The following NLRP2 variants were observed in gnomAD, a reference collection of about 807,000 sequenced individuals.
The protein encoded by NLRP2 is NLR family pyrin domain containing 2, also known as NACHT, LRR and PYD domains-containing protein 2.
A neutral mutation model predicts 97.2 loss-of-function variants in NLRP2; 107 were observed. That is an observed-to-expected ratio of 1.10 (90% CI 0.94 to 1.29). The LOEUF is 1.29. Among genes scored for constraint, NLRP2 ranks in the 50% most tolerant of loss-of-function variants. The probability of loss-of-function intolerance (pLI) is 0.00; values close to 1 mark genes in which losing one functional copy is unlikely to be tolerated. For synonymous variants in NLRP2, 663 were observed against 551.5 expected, an observed-to-expected ratio of 1.20 and a Z score of -2.83; for missense variants, 1,495 against 1,330.3, an observed-to-expected ratio of 1.12 and a Z score of -1.93.
rs1340091331 is a variant in NLRP2, at chr19:54,975,454, TA to T, written c.325+911del. ...CTACTTATATCCTGAAGATTATTAT[TA>T]TTTTTTTTTTTTTTGAGATAGAGTC... is the stretch of plus-strand genomic sequence containing the variant. On this transcript the variant is annotated intron_variant, in intron 3 of 12. Coordinates refer to ENST00000448584, the MANE Select transcript of NLRP2 (RefSeq NM_017852.5). 9.2e-5 allele frequency among the ~76,000 whole-genome samples: 8 copies of T among 86,628 alleles called. 2 individuals carry two copies. The South Asian group carries it at 1.4e-3, about 15-fold the overall frequency. 56.8% of individuals were successfully genotyped at this position (86,628 alleles called of 152,430 possible).
At position 54,969,009 on chromosome 19, in the gene NLRP2, G is replaced by A. The variant is rs555738528; in HGVS notation, c.-17-990G>A. 1.2e-3 allele frequency among the ~76,000 whole-genome samples: 179 copies of A among 152,192 alleles called. 2 individuals are homozygous for A. The highest frequency in any genetic ancestry group is 2.2e-3 in the Non-Finnish European group (147 of 68,018). Reference sequence around the variant, plus strand: ...AGCCACCGCGCCCGGCTGTGTGTTTGCATTATCATATTCAGCCCAGTTTTC... The same window carrying A: ...AGCCACCGCGCCCGGCTGTGTGTTTACATTATCATATTCAGCCCAGTTTTC... On this transcript the variant is annotated intron_variant, in intron 1 of 12. Transcript: ENST00000448584.
chr19:54,991,614 C>A (rs1184758556), intron 10 of NLRP2: 1 of 151,850 alleles, frequency 6.6e-6, no homozygotes, highest in Non-Finnish European at 1.5e-5. Flanking sequence ...GTGGCTCATG[C>A]CTGTAATCTC....
At chr19:54,988,975 T>C (rs1284130764) in intron 8 of NLRP2, among the ~76,000 whole-genome samples, 3 of 151,964 alleles carry the variant, frequency 2.0e-5, no homozygotes, top group Non-Finnish European at 4.4e-5. Flanking sequence ...TTTTTTGTTT[T>C]GAGACGGAGT....
At chr19:54,981,526 C>CCCCATCAG (rs2071572318) in intron 4 of NLRP2, 91 bp from the exon 5 acceptor site, 1 of 541,732 alleles carries the variant, frequency 1.8e-6, no homozygotes, top group Non-Finnish European at 3.6e-6. Context: ...CTCCCCCCCG[C>CCCCATCAG]CCCATCAGCC....
At chr19:54,990,889 C>G in intron 10 of NLRP2, 1 of 587,234 alleles carries the variant, frequency 1.7e-6, no homozygotes, top group Non-Finnish European at 3.0e-6. Context: ...GGGAATGTAG[C>G]TGGTTTTCGG....
chr19:54,994,336 AGCCTGTT>A lies in NLRP2; in HGVS notation c.2778_2784del (p.Leu927ValfsTer6). The A allele has an allele frequency of 6.2e-7, 1 of 1,614,174 alleles. No individual in the cohort carries two copies. The highest frequency in any genetic ancestry group is 1.3e-5 in the African/African-American group (1 of 75,042). Reference sequence around the variant, plus strand: ...CACAAAGCTTCTCCAAGAAAAATCAAGCCTGTTGTGTTTGGATCTGGGGCTGAATCAC... The same window carrying A: ...CACAAAGCTTCTCCAAGAAAAATCAAGTGTTTGGATCTGGGGCTGAATCAC... On this transcript the variant is annotated frameshift_variant, in exon 11 of 13. Coordinates refer to ENST00000448584, the MANE Select transcript of NLRP2 (RefSeq NM_017852.5). LOFTEE classifies it high-confidence loss of function.
At chr19:54,995,752 T>C (rs1011603319) in intron 11 of NLRP2, among the ~76,000 whole-genome samples, 4 of 151,936 alleles carry the variant, frequency 2.6e-5, no homozygotes, top group Admixed American at 6.6e-5. Context: ...TTAAAAGAAT[T>C]TGACTCGGGA....
chr19:54,975,538 GC>G (rs2071172828), intron 3 of NLRP2, among the ~76,000 whole-genome samples: 1 of 134,592 alleles, frequency 7.4e-6, no homozygotes, highest in Non-Finnish European at 1.5e-5. Flanking sequence ...TGCAAGCTCC[GC>G]CTCCCGGGTT....
intron 6 of NLRP2, among the ~76,000 whole-genome samples, chr19:54,984,325 T>TGTGTG (rs113372091): frequency 0.013 from 1,302 of 102,216 alleles, 47 homozygotes; most frequent in Non-Finnish European, 0.017. Flanking sequence ...GGGTTTTTTT[T>TGTGTG]TGTGTTTTTT....
chr19:54,972,371 T>C (rs1195693360), intron 2 of NLRP2, among the ~76,000 whole-genome samples: 3 of 151,616 alleles, frequency 2.0e-5, no homozygotes, highest in Non-Finnish European at 1.5e-5. Flanking sequence ...TTAATAGAGA[T>C]GGGGTTTCAC....
At chr19:54,967,824 A>G (rs528182887) in intron 1 of NLRP2, among the ~76,000 whole-genome samples, 8 of 152,202 alleles carry the variant, frequency 5.3e-5, no homozygotes, top group East Asian at 3.9e-4. Context: ...AGTCTTATGC[A>G]AATACCTATG....
intron 10 of NLRP2, among the ~76,000 whole-genome samples, chr19:54,992,045 T>C (rs1021689779): frequency 6.7e-6 from 1 of 149,504 alleles, no homozygotes; most frequent in African/African-American, 2.5e-5. Flanking sequence ...GCCTCCTGAG[T>C]AGCTGGGATT....
intron 12 of NLRP2, 69 bp from the exon 13 acceptor site, chr19:55,000,691 G>T: frequency 6.5e-7 from 1 of 1,540,606 alleles, no homozygotes; most frequent in Non-Finnish European, 9.0e-7. Context: ...AGACTTTCAG[G>T]TACTTGGGAA....
At chr19:54,976,548 T>C (rs1485031805) in intron 3 of NLRP2, among the ~76,000 whole-genome samples, 1 of 152,054 alleles carries the variant, frequency 6.6e-6, no homozygotes, top group Non-Finnish European at 1.5e-5. Context: ...GGTTTCACCA[T>C]GTTGGCCAGG....
rs370862883 is a variant in NLRP2, at chr19:54,995,042, A to G, written c.2879+603A>G. Among the ~76,000 whole-genome samples the G allele has an allele frequency of 2.0e-5, 3 of 149,414 alleles. No individual in the cohort carries two copies. The East Asian group carries it at 6.5e-4, about 33-fold the overall frequency. On this transcript the variant is annotated intron_variant, in intron 11 of 12. Coordinates refer to ENST00000448584, the MANE Select transcript of NLRP2 (RefSeq NM_017852.5). ...GAGAGGTGGGAATTGGGCCAGGCAC[A>G]GTGGCTCATACCTGTAATCCCAGCA...
intron 1 of NLRP2, among the ~76,000 whole-genome samples, chr19:54,969,590 G>A (rs1159847539): frequency 6.6e-6 from 1 of 152,198 alleles, no homozygotes; most frequent in Non-Finnish European, 1.5e-5. Context: ...GGGAGGCAGA[G>A]GTTGCAGTGA....
At chr19:54,994,554 AG>A in intron 11 of NLRP2, 115 bp downstream of exon 11, 1 of 1,073,320 alleles carries the variant, frequency 9.3e-7, no homozygotes, top group East Asian at 2.4e-5. Flanking sequence ...GGACCTTTAT[AG>A]AGTCGATCGA....
chr19:54,986,277 G>T lies in NLRP2; in HGVS notation c.2328G>T (p.Glu776Asp), dbSNP rs141473350. Residue 776 changes from glutamate (E) to aspartate (D), a missense_variant, in exon 8 of 13, where the codon GAG becomes GAT. Glu to Asp is a conservative substitution (Grantham distance 45). Coordinates refer to ENST00000448584, the MANE Select transcript of NLRP2 (RefSeq NM_017852.5). Reference sequence around the variant, plus strand: ...ATGATATGTTTCCCGCATTGTGTGAGGTCTTGAGACATCCAGAATGTAACC... The same window carrying T: ...ATGATATGTTTCCCGCATTGTGTGATGTCTTGAGACATCCAGAATGTAACC... ...DQDDMFPALC[E>D]VLRHPECNLR... The T allele has an allele frequency of 5.0e-6, 8 of 1,614,070 alleles. No individual in the cohort carries two copies. Among genetic ancestry groups the T allele is most frequent in the African/African-American group, 1.3e-5 (1 of 75,030 alleles).
At chr19:54,975,100 G>GGTTTT (rs2071114952) in intron 3 of NLRP2, among the ~76,000 whole-genome samples, 1 of 101,490 alleles carries the variant, frequency 9.9e-6, no homozygotes, top group East Asian at 3.1e-4. Context: ...CACCACACCC[G>GGTTTT]GTTTTGTTTT....
Sources: allele counts gnomAD v4.1 joint callset (sites outside exome capture counted in the v4.1 genomes callset), GRCh38; gene constraint gnomAD v4.1.1; transcripts MANE v1.5; gene names NCBI Gene and HGNC (gene_info 2026-07-23, HGNC 2026-07-21).